Variants in DOP1A observed in about 807,000 individuals in gnomAD.
The protein encoded by DOP1A is DOP1 leucine zipper like protein A.
In DOP1A, 90 loss-of-function variants were observed where a neutral mutation model predicts 267.6. The observed-to-expected ratio is 0.34, with a 90% confidence interval of 0.28 to 0.40. DOP1A has a LOEUF of 0.40. Ranked by LOEUF, DOP1A falls within the 10% of genes least tolerant of loss-of-function variation. The probability of loss-of-function intolerance (pLI) is 1.00; values close to 1 mark genes in which losing one functional copy is unlikely to be tolerated. For missense variants in DOP1A, 2,437 were observed against 2,900.4 expected (o/e 0.84, Z 3.67); for synonymous variants, 932 against 999.1 (o/e 0.93, Z 1.27).
rs556637843 is a variant in DOP1A, at chr6:83,157,445, G to A, written c.6741+127G>A. 6.1e-5 allele frequency: 60 copies of A among 976,882 alleles called. 1 individual carries two copies. In the African/African-American group the frequency reaches 7.6e-4, roughly 12 times the overall value. The allele number at this position is 976,882 out of a possible 1,614,324, so 60.5% of individuals were successfully genotyped here. ...AGCTGTAGTTAAACCAGTTACTGAT[G>A]CTTTTTACAGTTGAAAATAGTAAAA... is the stretch of plus-strand genomic sequence containing the variant. On this transcript the variant is annotated intron_variant, in intron 35 of 38. Transcript: ENST00000349129.
intron 1 of DOP1A, among the ~76,000 whole-genome samples, chr6:83,076,436 C>T (rs899568225): frequency 5.3e-5 from 8 of 152,076 alleles, no homozygotes; most frequent in East Asian, 1.9e-4. Flanking sequence ...GCAAGGGAAT[C>T]GCTTGGACCT....
chr6:83,072,348 A>G (rs1785767128), intron 1 of DOP1A, among the ~76,000 whole-genome samples: 1 of 151,908 alleles, frequency 6.6e-6, no homozygotes, highest in Non-Finnish European at 1.5e-5. Flanking sequence ...TGATAAGTTT[A>G]TCAGTACACA....
In DOP1A at chr6:83,138,230, T is replaced by A; in HGVS notation, c.4188T>A (p.Pro1396=). Reference sequence around the variant, plus strand: ...TCAAAGCCATCTTGAAAACTAACCCTATAGCTTTTGTAAATGCCATTTCAA... The same window carrying A: ...TCAAAGCCATCTTGAAAACTAACCCAATAGCTTTTGTAAATGCCATTTCAA... ...SAIKAILKTN[P]IAFVNAISTT... Residue 1396 remains proline (P), a synonymous_variant, in exon 21 of 39, where the codon CCT becomes CCA. Coordinates refer to ENST00000349129, the MANE Select transcript of DOP1A (RefSeq NM_015018.4). The A allele has an allele frequency of 6.2e-7, 1 of 1,613,604 alleles. No homozygotes were observed. The highest frequency in any genetic ancestry group is 8.5e-7 in the Non-Finnish European group (1 of 1,179,906).
intron 1 of DOP1A, among the ~76,000 whole-genome samples, chr6:83,078,122 G>A (rs944726247): frequency 2.0e-5 from 3 of 152,214 alleles, no homozygotes; most frequent in African/African-American, 7.2e-5. Context: ...AAGGCACTGA[G>A]ATGGGAGGGA....
At position 83,157,279 on chromosome 6, in the gene DOP1A, A is replaced by G. The variant is rs763349946; in HGVS notation, c.6702A>G (p.Gln2234=). The G allele has an allele frequency of 2.7e-5, 44 of 1,613,810 alleles. No individual in the cohort carries two copies. The highest frequency in any genetic ancestry group is 1.6e-4 in the Middle Eastern group (1 of 6,084). Residue 2234 remains glutamine, a synonymous_variant, in exon 35 of 39, where the codon CAA becomes CAG. Transcript: ENST00000349129. ...FRVLLLRMSP[Q]HLTSLWPTMI... ...TGTTACTTTTAAGAATGTCTCCCCAACATCTTACCTCACTCTGGCCTACCA... is the reference window on the plus strand; with the variant it reads ...TGTTACTTTTAAGAATGTCTCCCCAGCATCTTACCTCACTCTGGCCTACCA...
chr6:83,107,501 A>G (rs1054991658), intron 4 of DOP1A, among the ~76,000 whole-genome samples: 4 of 152,238 alleles, frequency 2.6e-5, no homozygotes, highest in African/African-American at 9.6e-5. Context: ...AGTACAGGAC[A>G]TGGTGCTTGA....
At chr6:83,125,056 A>G in intron 13 of DOP1A, 110 bp from the exon 14 acceptor site, 1 of 1,016,430 alleles carries the variant, frequency 9.8e-7, no homozygotes, top group Non-Finnish European at 1.5e-6. Context: ...TTTAGTGTAT[A>G]GTGGTCTAAT....
chr6:83,167,021 T>C, intron 38 of DOP1A: 1 of 985,324 alleles, frequency 1.0e-6, no homozygotes, highest in Non-Finnish European at 1.2e-6. Flanking sequence ...GACAGAATGA[T>C]GTCTGTAGCT....
At chr6:83,088,757 C>A (rs1485321251) in intron 1 of DOP1A, among the ~76,000 whole-genome samples, 1 of 152,162 alleles carries the variant, frequency 6.6e-6, no homozygotes, top group African/African-American at 2.4e-5. Context: ...AAGTTTCCAG[C>A]TTTCAGGAGT....
chr6:83,085,577 G>A (rs1173633619), intron 1 of DOP1A, among the ~76,000 whole-genome samples: 1 of 152,096 alleles, frequency 6.6e-6, no homozygotes, highest in Non-Finnish European at 1.5e-5. Context: ...AGAACAAAAT[G>A]CCTAGAATGC....
intron 38 of DOP1A, chr6:83,167,273 C>T: frequency 2.0e-6 from 2 of 984,928 alleles, no homozygotes; most frequent in Non-Finnish European, 2.4e-6. Flanking sequence ...GCTTTCCTCC[C>T]TATGTTGTTT....
chr6:83,132,163 A>G lies in DOP1A; in HGVS notation c.2617-13A>G. ...ATGGTATTGTGACTGTCACTTTTAC[A>G]TCTTTTTTATAGCATGTAGCTTTAA... On this transcript the variant is annotated splice_polypyrimidine_tract_variant and intron_variant, in intron 17 of 38. Transcript: ENST00000349129. The G allele has an allele frequency of 2.5e-6, 4 of 1,599,292 alleles. No homozygotes were observed. Among genetic ancestry groups the G allele is most frequent in the Non-Finnish European group, 3.4e-6 (4 of 1,168,270 alleles).
chr6:83,095,763 G>A (rs1036671393), intron 1 of DOP1A, among the ~76,000 whole-genome samples: 16 of 152,160 alleles, frequency 1.1e-4, no homozygotes, highest in Admixed American at 7.9e-4. Flanking sequence ...TAGTCAGGAT[G>A]CCAGTTGGGG....
intron 37 of DOP1A, among the ~76,000 whole-genome samples, 177 bp from the exon 38 acceptor site, chr6:83,162,613 A>G (rs752750215): frequency 1.3e-5 from 2 of 152,116 alleles, no homozygotes; most frequent in Non-Finnish European, 2.9e-5. Flanking sequence ...TTATTTACTG[A>G]TGAAGGCTCA....
intron 11 of DOP1A, 87 bp downstream of exon 11, chr6:83,122,137 A>G (rs1776465271): frequency 6.9e-7 from 1 of 1,454,480 alleles, no homozygotes; most frequent in Non-Finnish European, 9.3e-7. Flanking sequence ...TTGGGATCCT[A>G]CTCTATGAAG....
chr6:83,128,491 T>G (rs1777536415), intron 15 of DOP1A, among the ~76,000 whole-genome samples: 3 of 152,224 alleles, frequency 2.0e-5, no homozygotes, highest in African/African-American at 7.2e-5. Context: ...AATTTCACAT[T>G]CATGTGGCCC....
chr6:83,102,036 CA>C (rs1236379070), intron 4 of DOP1A, among the ~76,000 whole-genome samples: 1 of 152,174 alleles, frequency 6.6e-6, no homozygotes, highest in African/African-American at 2.4e-5. Context: ...TGCTGACTCC[CA>C]GCTGGACATT....
chr6:83,140,461 T>G (rs1305970069), intron 23 of DOP1A, 58 bp downstream of exon 23: 12 of 1,308,318 alleles, frequency 9.2e-6, no homozygotes, highest in Non-Finnish European at 1.0e-5. Flanking sequence ...TTCCCAAAGA[T>G]TATATTCAGA....
chr6:83,159,828 C>A lies in DOP1A; in HGVS notation c.6830C>A (p.Thr2277Lys). The change falls in exon 37 of 39, where the codon ACA becomes AAA. Residue 2277 changes from threonine to lysine, a missense_variant. Around this residue, in one of 9 missense-constraint regions of DOP1A, gnomAD observed 197 missense variants for 246.5 expected, o/e 0.80. Transcript: ENST00000349129. ...GGGCCCTCTGTGGCTGGTCTGGAGA[C>A]AACGTACACAGGAGGTAATGGCTTC... ...TSGPSVAGLETTYTGGNGFST... is the reference protein window; with the variant it reads ...TSGPSVAGLEKTYTGGNGFST... 6.2e-7 allele frequency: 1 copy of A among 1,614,166 alleles called. No homozygotes were observed. The highest frequency in any genetic ancestry group is 8.5e-7 in the Non-Finnish European group (1 of 1,180,048).
Sources: allele counts gnomAD v4.1 joint callset (sites outside exome capture counted in the v4.1 genomes callset), GRCh38; gene constraint gnomAD v4.1.1; regional missense constraint gnomAD v4.1.1; transcripts MANE v1.5; gene names NCBI Gene and HGNC (gene_info 2026-07-23, HGNC 2026-07-21).